The following SPTLC3 variants were observed in gnomAD, a reference collection of about 807,000 sequenced individuals.
SPTLC3 encodes serine palmitoyltransferase 3.
In SPTLC3, 36 loss-of-function variants were observed where a neutral mutation model predicts 59.3. The ratio of observed to expected loss-of-function variants is 0.61; its 90% CI spans 0.47 to 0.80. The LOEUF is 0.80. Ranked by LOEUF, SPTLC3 falls within the 30% of genes least tolerant of loss-of-function variation. SPTLC3 has a pLI of 0.00. For synonymous variants in SPTLC3, 257 were observed against 240.8 expected, an observed-to-expected ratio of 1.07 and a Z score of -0.62; for missense variants, 625 against 685.1, an observed-to-expected ratio of 0.91 and a Z score of 0.98.
intron 1 of SPTLC3, among the ~76,000 whole-genome samples, chr20:13,048,126 C>T (rs78742217): frequency 2.6e-5 from 4 of 152,114 alleles, no homozygotes; most frequent in Non-Finnish European, 4.4e-5. Context: ...ACAAGAAGAG[C>T]TAACTATCCT....
chr20:13,154,208 G>A, intron 10 of SPTLC3, 70 bp downstream of exon 10: 1 of 1,583,434 alleles, frequency 6.3e-7, no homozygotes, highest in Non-Finnish European at 8.6e-7. Flanking sequence ...TTTGGCACAG[G>A]CGTTAGATTA....
chr20:13,038,060 A>ATATATATATATATATATAT, intron 1 of SPTLC3, among the ~76,000 whole-genome samples: 23 of 148,682 alleles, frequency 1.5e-4, no homozygotes, highest in Admixed American at 2.0e-4. Context: ...ATATATATAT[A>ATATATATATATATATATAT]ATATATCTTC....
intron 2 of SPTLC3, among the ~76,000 whole-genome samples, chr20:13,052,830 C>T (rs775632890): frequency 2.2e-4 from 33 of 152,284 alleles, no homozygotes; most frequent in Non-Finnish European, 4.4e-4. Context: ...TGTAGCCAGA[C>T]TGCCACTCTA....
At chr20:13,029,285 G>C (rs1290467754) in intron 1 of SPTLC3, among the ~76,000 whole-genome samples, 1 of 152,160 alleles carries the variant, frequency 6.6e-6, no homozygotes, top group African/African-American at 2.4e-5. Context: ...CTGCGAAAAT[G>C]ATTCAATGGT....
chr20:13,131,054 G>A (rs1012842760), intron 9 of SPTLC3, among the ~76,000 whole-genome samples: 5 of 152,148 alleles, frequency 3.3e-5, no homozygotes, highest in South Asian at 2.1e-4. Flanking sequence ...TAGAAAGATC[G>A]CAGCTCAGTC....
At chr20:13,038,674 T>G (rs767305795) in intron 1 of SPTLC3, among the ~76,000 whole-genome samples, 2 of 152,132 alleles carry the variant, frequency 1.3e-5, no homozygotes, top group South Asian at 2.1e-4. Context: ...TTTTTGTGAT[T>G]GTTTTCTGTT....
intron 1 of SPTLC3, among the ~76,000 whole-genome samples, chr20:13,048,127 T>C (rs1987310722): frequency 6.6e-6 from 1 of 152,180 alleles, no homozygotes; most frequent in Non-Finnish European, 1.5e-5. Context: ...CAAGAAGAGC[T>C]AACTATCCTA....
At chr20:13,068,536 G>T (rs1305476107) in intron 2 of SPTLC3, among the ~76,000 whole-genome samples, 1 of 152,178 alleles carries the variant, frequency 6.6e-6, no homozygotes, top group Non-Finnish European at 1.5e-5. Flanking sequence ...AAGGAATGGG[G>T]TGGAGTGGAA....
At chr20:13,092,410 T>C (rs982792236) in intron 5 of SPTLC3, among the ~76,000 whole-genome samples, 1 of 152,360 alleles carries the variant, frequency 6.6e-6, no homozygotes, top group African/African-American at 2.4e-5. Flanking sequence ...CTACATGCAA[T>C]GTATGGTCTT....
At chr20:13,030,452 C>G (rs143931595) in intron 1 of SPTLC3, among the ~76,000 whole-genome samples, 91 of 152,320 alleles carry the variant, frequency 6.0e-4, no homozygotes, top group African/African-American at 2.0e-3. Context: ...TCCAATGGCC[C>G]TTTCAAGAAC....
intron 8 of SPTLC3, among the ~76,000 whole-genome samples, chr20:13,118,325 G>A (rs1438772610): frequency 6.6e-6 from 1 of 151,536 alleles, no homozygotes; most frequent in African/African-American, 2.4e-5. Flanking sequence ...TACACCATAG[G>A]TCAAATCCTG....
At chr20:13,078,323 T>G (rs927796073) in intron 4 of SPTLC3, among the ~76,000 whole-genome samples, 2 of 150,730 alleles carry the variant, frequency 1.3e-5, no homozygotes, top group African/African-American at 4.9e-5. Flanking sequence ...AAAATAATAG[T>G]TCAATAAGGA....
intron 2 of SPTLC3, among the ~76,000 whole-genome samples, chr20:13,068,289 T>G (rs1009211216): frequency 1.3e-5 from 2 of 152,212 alleles, no homozygotes; most frequent in African/African-American, 4.8e-5. Flanking sequence ...GGCCTGGTAT[T>G]TTCTATCATA....
rs1485299462 is a variant in SPTLC3, at chr20:13,129,977, G to T, written c.1279+3260G>T. Among the ~76,000 whole-genome samples the T allele has an allele frequency of 3.3e-5, 5 of 152,084 alleles. No homozygotes were observed. The East Asian group carries it at 7.7e-4, about 23-fold the overall frequency. On this transcript the variant is annotated intron_variant, in intron 9 of 11. Transcript: ENST00000399002. ...CAGAGAATGCTATGTGTATGGTCTG[G>T]TTTTTTTAGAGGCAAAATAGGAGAA...
intron 1 of SPTLC3, among the ~76,000 whole-genome samples, chr20:13,040,968 G>A (rs2122471150): frequency 6.6e-6 from 1 of 151,878 alleles, no homozygotes; most frequent in African/African-American, 2.4e-5. Context: ...ACCTTATTGG[G>A]GTTCATTTTT....
intron 2 of SPTLC3, among the ~76,000 whole-genome samples, chr20:13,053,007 G>A (rs1987561539): frequency 6.6e-6 from 1 of 152,190 alleles, no homozygotes; most frequent in Non-Finnish European, 1.5e-5. Flanking sequence ...GCTCTGAAGA[G>A]AGCAGCATAT....
chr20:13,159,607 T>C (rs2038850082), intron 10 of SPTLC3, among the ~76,000 whole-genome samples: 1 of 152,208 alleles, frequency 6.6e-6, no homozygotes, highest in African/African-American at 2.4e-5. Context: ...AGATTCTTTC[T>C]TTATGGAATT....
intron 2 of SPTLC3, chr20:13,049,728 G>A (rs2122500612): frequency 6.5e-6 from 1 of 154,238 alleles, no homozygotes; most frequent in East Asian, 1.9e-4. Flanking sequence ...ACTGGAACAG[G>A]CACTGGTATC....
At chr20:13,147,628 A>G (rs1166372046) in intron 9 of SPTLC3, among the ~76,000 whole-genome samples, 1 of 152,122 alleles carries the variant, frequency 6.6e-6, no homozygotes, top group African/African-American at 2.4e-5. Flanking sequence ...CTTTAATATC[A>G]ATTTGATTTT....
Sources: gnomAD v4.1 joint callset for allele counts (sites outside exome capture counted in the v4.1 genomes callset) on GRCh38, gnomAD v4.1.1 for gene constraint, MANE v1.5 for transcripts, NCBI Gene and HGNC (gene_info 2026-07-23, HGNC 2026-07-21) for gene names.